Variants in TMEM245 observed in about 807,000 individuals in gnomAD.
TMEM245 encodes the protein transmembrane protein 245, also known as protein CG-2.
A neutral mutation model predicts 101.2 loss-of-function variants in TMEM245; 69 were observed. That is an observed-to-expected ratio of 0.68 (90% CI 0.56 to 0.83). The LOEUF is 0.83. TMEM245 is among the 40% of genes least tolerant of loss of function. TMEM245 has a pLI of 0.00. For missense variants in TMEM245, 1,075 were observed against 1,092.8 expected, an observed-to-expected ratio of 0.98 and a Z score of 0.23; for synonymous variants, 537 against 449.8, an observed-to-expected ratio of 1.19 and a Z score of -2.45.
chr9:109,097,259 C>CA (rs1313561507), intron 3 of TMEM245, among the ~76,000 whole-genome samples: 2 of 151,886 alleles, frequency 1.3e-5, no homozygotes, highest in Non-Finnish European at 2.9e-5. Flanking sequence ...TTCAGGAAGA[C>CA]AAAAAAACAA....
chr9:109,030,458 C>A (rs909232095), intron 17 of TMEM245, among the ~76,000 whole-genome samples: 11 of 152,190 alleles, frequency 7.2e-5, no homozygotes, highest in African/African-American at 2.7e-4. Flanking sequence ...TTTCATTTCA[C>A]CTTAAATACT....
chr9:109,060,371 G>A lies in TMEM245; in HGVS notation c.1705C>T (p.His569Tyr). The change falls in exon 11 of 18, where the codon CAC becomes TAC. Residue 569 changes from histidine (H) to tyrosine (Y), a missense_variant. Physicochemically the swap from His to Tyr is moderately conservative, Grantham distance 83 (BLOSUM62 2). Around this residue, in one of 2 missense-constraint regions of TMEM245, gnomAD observed 808 missense variants for 741.5 expected, o/e 1.09. Coordinates refer to ENST00000374586, the MANE Select transcript of TMEM245 (RefSeq NM_032012.4). Reference protein sequence around the residue: ...QVLELWDRLYHSWFVKNVTHS... With the variant: ...QVLELWDRLYYSWFVKNVTHS... ...TAACTTACCTTTACAAACCAAGAGT[G>A]ATACAGTCTGTCCCAAAGTTCTAGT... The A allele has an allele frequency of 6.2e-7, 1 of 1,612,640 alleles. No homozygotes were observed. The highest frequency in any genetic ancestry group is 1.3e-5 in the African/African-American group (1 of 75,010).
At chr9:109,072,351 A>C (rs540210229) in intron 9 of TMEM245, among the ~76,000 whole-genome samples, 1 of 152,366 alleles carries the variant, frequency 6.6e-6, no homozygotes, top group African/African-American at 2.4e-5. Context: ...CTGTTTGAGC[A>C]CAAAGGAGAT....
intron 3 of TMEM245, among the ~76,000 whole-genome samples, chr9:109,095,280 G>A (rs1317816344): frequency 6.6e-6 from 1 of 152,192 alleles, no homozygotes; most frequent in Non-Finnish European, 1.5e-5. Flanking sequence ...TTTCTTACAT[G>A]TACTGTGTGC....
chr9:109,111,112 T>C (rs1395781382), intron 1 of TMEM245, among the ~76,000 whole-genome samples: 2 of 152,074 alleles, frequency 1.3e-5, no homozygotes, highest in East Asian at 1.9e-4. Context: ...GAAGGAAATA[T>C]CAAGATTTTG....
intron 3 of TMEM245, among the ~76,000 whole-genome samples, chr9:109,097,626 T>C (rs1830176340): frequency 6.6e-6 from 1 of 152,108 alleles, no homozygotes; most frequent in Admixed American, 6.6e-5. Flanking sequence ...AAATAATACA[T>C]ATAAAATGCT....
chr9:109,103,328 G>C (rs1253452996), intron 3 of TMEM245, among the ~76,000 whole-genome samples: 2 of 151,988 alleles, frequency 1.3e-5, no homozygotes, highest in Admixed American at 1.3e-4. Context: ...CATCCAAAAG[G>C]AAAATTAAGA....
At chr9:109,083,929 A>AAC (rs1298306808) in intron 7 of TMEM245, among the ~76,000 whole-genome samples, 2 of 140,210 alleles carry the variant, frequency 1.4e-5, no homozygotes, top group Non-Finnish European at 3.1e-5. Context: ...AAAAAAAAAA[A>AAC]CACCAGGCAT....
rs1827425041 is a variant in TMEM245, at chr9:109,015,857, G to A, written c.*4603C>T. 6.6e-6 allele frequency: 1 copy of A among 152,320 alleles called. No individual in the cohort carries two copies. The highest frequency in any genetic ancestry group is 2.4e-5 in the African/African-American group (1 of 41,416). 9.4% of individuals were successfully genotyped at this position (152,320 alleles called of 1,614,324 possible). ...AATGTAATATCAATATATCACCACT[G>A]TATTTGCACATTAGTTGATCCTTGA... On this transcript the variant is annotated 3_prime_UTR_variant, in exon 18 of 18. Transcript: ENST00000374586.
At chr9:109,087,433 A>G in intron 5 of TMEM245, 91 bp from the exon 6 acceptor site, 2 of 1,241,826 alleles carry the variant, frequency 1.6e-6, no homozygotes, top group East Asian at 5.3e-5. Flanking sequence ...AAACCTTTCT[A>G]AAACAACAAA....
At chr9:109,114,001 G>C (rs756642165) in intron 1 of TMEM245, among the ~76,000 whole-genome samples, 1 of 152,094 alleles carries the variant, frequency 6.6e-6, no homozygotes, top group Non-Finnish European at 1.5e-5. Flanking sequence ...ACTTGAACCC[G>C]GGAGGCAGAG....
intron 14 of TMEM245, among the ~76,000 whole-genome samples, chr9:109,043,616 T>C (rs200902464): frequency 3.1e-5 from 2 of 64,180 alleles, no homozygotes. Context: ...AATCAAACTC[T>C]GGAGGTTCTT....
intron 1 of TMEM245, among the ~76,000 whole-genome samples, 175 bp from the exon 2 acceptor site, chr9:109,108,745 G>C (rs957747977): frequency 6.6e-6 from 1 of 152,174 alleles, no homozygotes; most frequent in African/African-American, 2.4e-5. Flanking sequence ...GAGAACCTAA[G>C]TTTTGAAATA....
At chr9:109,021,815 C>A (rs1242358168) in intron 17 of TMEM245, among the ~76,000 whole-genome samples, 5 of 151,934 alleles carry the variant, frequency 3.3e-5, no homozygotes, top group Non-Finnish European at 5.9e-5. Context: ...CACCACCACC[C>A]CCCCAAAAAA....
At chr9:109,068,133 C>T (rs1269333850) in intron 9 of TMEM245, among the ~76,000 whole-genome samples, 1 of 152,012 alleles carries the variant, frequency 6.6e-6, no homozygotes, top group Non-Finnish European at 1.5e-5. Flanking sequence ...TTTGGTAGGC[C>T]GAGGCAGGTG....
chr9:109,060,433 T>C lies in TMEM245; in HGVS notation c.1643A>G (p.Asp548Gly). ...AATTACAGCAGTATTGTTCACCTTA[T>C]CTCCTAGAATTTTATGGAGCTAGAA... is the stretch of plus-strand genomic sequence containing the variant. ...ITHKLHKILG[D>G]KVNNTAVIEK... is the part of the protein sequence containing the mutation. The change falls in exon 11 of 18, where the codon GAT (aspartate) becomes GGT (glycine). Residue 548 changes from aspartate to glycine, a missense_variant. Coordinates refer to ENST00000374586, the MANE Select transcript of TMEM245 (RefSeq NM_032012.4). 6 of 1,612,834 alleles carry C rather than the reference T, an allele frequency of 3.7e-6. No individual in the cohort carries two copies. The highest frequency in any genetic ancestry group is 5.1e-6 in the Non-Finnish European group (6 of 1,179,304).
At chr9:109,109,171 ATAT>A (rs1408179824) in intron 1 of TMEM245, among the ~76,000 whole-genome samples, 3 of 152,174 alleles carry the variant, frequency 2.0e-5, no homozygotes, top group Admixed American at 2.0e-4. Context: ...CCTGAAAAAA[ATAT>A]TATTAGAGGA....
At chr9:109,077,715 T>G (rs1829552416) in intron 8 of TMEM245, among the ~76,000 whole-genome samples, 1 of 152,258 alleles carries the variant, frequency 6.6e-6, no homozygotes, top group Non-Finnish European at 1.5e-5. Flanking sequence ...ATCTATTTTG[T>G]CTAATATAGA....
intron 9 of TMEM245, among the ~76,000 whole-genome samples, chr9:109,066,246 G>C (rs1829160219): frequency 6.6e-6 from 1 of 151,964 alleles, no homozygotes; most frequent in Non-Finnish European, 1.5e-5. Context: ...TTGAGGCCAA[G>C]AGTTCAAGAC....
Sources: gnomAD v4.1 joint callset for allele counts (sites outside exome capture counted in the v4.1 genomes callset) on GRCh38, gnomAD v4.1.1 for gene constraint, gnomAD v4.1.1 regional missense constraint, MANE v1.5 for transcripts, NCBI Gene and HGNC (gene_info 2026-07-23, HGNC 2026-07-21) for gene names.